The following LYPD6 variants were observed in gnomAD, a reference collection of about 807,000 sequenced individuals.
The protein encoded by LYPD6 is ly6/PLAUR domain-containing protein 6.
Under a neutral mutation model 22.7 loss-of-function variants are expected in LYPD6, and 15 were observed. That is an observed-to-expected ratio of 0.66 (90% CI 0.44 to 1.02). LYPD6 has a LOEUF of 1.02. LYPD6 is among the 50% of genes least tolerant of loss of function. The pLI is 0.00. For synonymous variants in LYPD6, 72 were observed against 77.5 expected (o/e 0.93, Z 0.37); for missense variants, 189 against 208.4 (o/e 0.91, Z 0.57).
chr2:149,381,427 C>G (rs575793218), intron 1 of LYPD6, among the ~76,000 whole-genome samples: 33 of 152,130 alleles, frequency 2.2e-4, no homozygotes, highest in Non-Finnish European at 4.4e-4. Flanking sequence ...AGTTCATCCT[C>G]TGTAACAGGA....
At chr2:149,437,090 T>C (rs1322474350) in intron 1 of LYPD6, among the ~76,000 whole-genome samples, 3 of 152,216 alleles carry the variant, frequency 2.0e-5, no homozygotes, top group African/African-American at 7.2e-5. Flanking sequence ...AGGACTTCAG[T>C]AGTACCTGGC....
chr2:149,406,508 G>A (rs1255551604), intron 1 of LYPD6, among the ~76,000 whole-genome samples: 1 of 152,012 alleles, frequency 6.6e-6, no homozygotes. Context: ...TGTCTCTTTT[G>A]ATCTTTGTTG....
intron 1 of LYPD6, among the ~76,000 whole-genome samples, chr2:149,431,290 T>A (rs772273926): frequency 3.3e-4 from 50 of 152,218 alleles, no homozygotes; most frequent in Non-Finnish European, 5.4e-4. Flanking sequence ...TTTCTAAATG[T>A]CTAATACAGT....
chr2:149,462,955 A>C (rs1296965581), intron 3 of LYPD6, among the ~76,000 whole-genome samples: 1 of 152,128 alleles, frequency 6.6e-6, no homozygotes, highest in Admixed American at 6.5e-5. Flanking sequence ...AAAAAATAGA[A>C]GAAAATCTTC....
intron 2 of LYPD6, among the ~76,000 whole-genome samples, chr2:149,440,793 T>C (rs1015448135): frequency 2.0e-5 from 3 of 147,278 alleles, no homozygotes; most frequent in Non-Finnish European, 4.5e-5. Context: ...CTCCGCCTCC[T>C]GGGTTCATGC....
At chr2:149,368,723 G>A (rs1681734947) in intron 1 of LYPD6, among the ~76,000 whole-genome samples, 1 of 152,120 alleles carries the variant, frequency 6.6e-6, no homozygotes. Flanking sequence ...CAAATAGTAT[G>A]TAGGTGAAGG....
At chr2:149,432,468 G>C (rs1683337703) in intron 1 of LYPD6, among the ~76,000 whole-genome samples, 2 of 152,144 alleles carry the variant, frequency 1.3e-5, no homozygotes, top group African/African-American at 4.8e-5. Context: ...ACTGGGTTAT[G>C]GCCCTCCATT....
At chr2:149,386,917 T>C (rs1476701702) in intron 1 of LYPD6, among the ~76,000 whole-genome samples, 2 of 152,216 alleles carry the variant, frequency 1.3e-5, no homozygotes, top group African/African-American at 4.8e-5. Context: ...CATCCTTGCA[T>C]GTAGTGCACA....
At chr2:149,410,235 T>C (rs766858775) in intron 1 of LYPD6, among the ~76,000 whole-genome samples, 9 of 152,238 alleles carry the variant, frequency 5.9e-5, no homozygotes, top group Non-Finnish European at 1.2e-4. Context: ...TTTCTCTTTT[T>C]TGAGTATAAT....
At position 149,429,254 on chromosome 2, in the gene LYPD6, C is replaced by T. The variant is rs964535840; in HGVS notation, c.-71-8384C>T. Among the ~76,000 whole-genome samples the T allele has an allele frequency of 4.6e-5, 7 of 152,294 alleles. No homozygotes were observed. The South Asian group carries it at 6.2e-4, about 14-fold the overall frequency. ...ACCTCCCTCCTTTCTTAGAGCTTTT[C>T]TTGAAACATTTTGAAAAGAGACTTC... On this transcript the variant is annotated intron_variant, in intron 1 of 4. Coordinates refer to ENST00000334166, the MANE Select transcript of LYPD6 (RefSeq NM_194317.5).
At chr2:149,380,230 C>G (rs1014043029) in intron 1 of LYPD6, among the ~76,000 whole-genome samples, 1 of 152,140 alleles carries the variant, frequency 6.6e-6, no homozygotes, top group African/African-American at 2.4e-5. Context: ...TATATAGTGT[C>G]TTGAAGGACT....
In LYPD6 at chr2:149,367,934, G is replaced by A. The variant is rs576557452; in HGVS notation, c.-72+37212G>A. 2.0e-5 allele frequency: 3 copies of A among 152,304 alleles called. No individual in the cohort carries two copies. The South Asian group carries it at 6.2e-4, about 32-fold the overall frequency. The allele number at this position is 152,304 out of a possible 1,614,324, so 9.4% of individuals were successfully genotyped here. Reference sequence around the variant, plus strand: ...TTTTATCTCATTAATTCCTGGCTGGGTGTTCCAGGACAAGGTATCCAAAAA... The same window carrying A: ...TTTTATCTCATTAATTCCTGGCTGGATGTTCCAGGACAAGGTATCCAAAAA... On this transcript the variant is annotated intron_variant, in intron 1 of 4. Coordinates refer to ENST00000334166, the MANE Select transcript of LYPD6 (RefSeq NM_194317.5).
intron 1 of LYPD6, among the ~76,000 whole-genome samples, chr2:149,396,802 A>G (rs889348848): frequency 3.3e-5 from 5 of 152,220 alleles, no homozygotes; most frequent in African/African-American, 1.2e-4. Flanking sequence ...CAGGAACTTT[A>G]TGAAGATGAA....
At chr2:149,353,520 G>A (rs911614433) in intron 1 of LYPD6, among the ~76,000 whole-genome samples, 3 of 152,056 alleles carry the variant, frequency 2.0e-5, no homozygotes, top group Non-Finnish European at 2.9e-5. Flanking sequence ...CTTTAATAAC[G>A]TGTTCAATCT....
Position 149,398,443 on chromosome 2 carries a change from G to GTGTGTA in LYPD6, c.-71-39184_-71-39179dup, listed in dbSNP as rs1682475552. On this transcript the variant is annotated intron_variant, in intron 1 of 4. Coordinates refer to ENST00000334166, the MANE Select transcript of LYPD6 (RefSeq NM_194317.5). ...TGTGTGTGTGTGTGTGTGTGTGTGT[G>GTGTGTA]TGTGTATGTGTATGTGCACACTCGT... Among the ~76,000 whole-genome samples the GTGTGTA allele has an allele frequency of 2.7e-5, 4 of 148,904 alleles. No individual in the cohort carries two copies. In the Admixed American group the frequency reaches 2.7e-4, roughly 10 times the overall value.
At chr2:149,355,964 T>G (rs1681440557) in intron 1 of LYPD6, among the ~76,000 whole-genome samples, 1 of 152,152 alleles carries the variant, frequency 6.6e-6, no homozygotes, top group Non-Finnish European at 1.5e-5. Flanking sequence ...GGCGATGAAC[T>G]GTGCCACCCC....
chr2:149,385,911 T>C (rs1014626165), intron 1 of LYPD6, among the ~76,000 whole-genome samples: 1 of 151,946 alleles, frequency 6.6e-6, no homozygotes, highest in African/African-American at 2.4e-5. Flanking sequence ...TTTCCAGGGG[T>C]TGGAAGATTA....
chr2:149,407,629 T>C (rs77294004), intron 1 of LYPD6, among the ~76,000 whole-genome samples: 16 of 152,166 alleles, frequency 1.1e-4, no homozygotes, highest in Non-Finnish European at 1.0e-4. Context: ...TAGTTATACA[T>C]TCGTCTAAAT....
intron 1 of LYPD6, among the ~76,000 whole-genome samples, chr2:149,402,142 GAAT>G (rs1682571317): frequency 6.6e-6 from 1 of 151,416 alleles, no homozygotes; most frequent in East Asian, 1.9e-4. Context: ...AAAAAAAAAA[GAAT>G]AATAGTCTCC....
Sources: gnomAD v4.1 joint callset for allele counts (sites outside exome capture counted in the v4.1 genomes callset) on GRCh38, gnomAD v4.1.1 for gene constraint, MANE v1.5 for transcripts, NCBI Gene and HGNC (gene_info 2026-07-23, HGNC 2026-07-21) for gene names.